Variants in KAT6B observed in about 807,000 individuals in gnomAD.
KAT6B encodes histone acetyltransferase KAT6B.
KAT6B carries 10 observed loss-of-function variants against 187.5 expected under a neutral mutation model. That is an observed-to-expected ratio of 0.05 (90% confidence interval 0.03 to 0.09). KAT6B has a LOEUF of 0.09. Ranked by LOEUF, KAT6B falls within the 10% of genes least tolerant of loss-of-function variation. The pLI is 1.00. For missense variants in KAT6B, 1,952 were observed against 2,558.9 expected (o/e 0.76, Z 5.12); for synonymous variants, 861 against 926.8 (o/e 0.93, Z 1.29).
At chr10:74,900,998 A>G (rs1333692699) in intron 3 of KAT6B, among the ~76,000 whole-genome samples, 2 of 152,146 alleles carry the variant, frequency 1.3e-5, no homozygotes, top group Non-Finnish European at 2.9e-5. Flanking sequence ...AAATGTTTAT[A>G]TATATAAAAG....
chr10:75,030,361 G>A lies in KAT6B; in HGVS notation c.5537G>A (p.Ser1846Asn). 1 of 1,614,226 alleles carries A rather than the reference G, an allele frequency of 6.2e-7. No homozygotes were observed. The highest frequency in any genetic ancestry group is 8.5e-7 in the Non-Finnish European group (1 of 1,180,038). ...HSAAVTSYAN[S>N]ASLSTPLSNT... ...GCTGCTGTGACTTCCTATGCAAACAGTGCCTCTTTGTCCACACCATTAAGT... is the reference window on the plus strand; with the variant it reads ...GCTGCTGTGACTTCCTATGCAAACAATGCCTCTTTGTCCACACCATTAAGT... The change falls in exon 18 of 18, where the codon AGT (serine) becomes AAT (asparagine). Residue 1846 changes from serine to asparagine, a missense_variant. By Grantham distance (46) the Ser-to-Asn change is conservative. This residue lies in a region of KAT6B where 358 missense variants were observed against 436.3 expected (regional missense o/e 0.82). Transcript: ENST00000287239. The surrounding 1 kb of genome is among the most constrained non-coding windows in gnomAD (Gnocchi z 4.8).
intron 13 of KAT6B, among the ~76,000 whole-genome samples, chr10:74,993,467 T>C (rs535752671): frequency 6.6e-6 from 1 of 152,342 alleles, no homozygotes; most frequent in Middle Eastern, 3.4e-3. Flanking sequence ...GTGTTGCACC[T>C]TTACCCCTAA....
chr10:75,029,982 G>T lies in KAT6B; in HGVS notation c.5158G>T (p.Ala1720Ser). Residue 1720 changes from alanine to serine, a missense_variant, in exon 18 of 18, where the codon GCT (alanine) becomes TCT (serine). Transcript: ENST00000287239. This position sits in a 1 kb window ranked among gnomAD's most constrained non-coding sequence, Gnocchi z 6.2. ...CAGCAGTCTGACACAGAGCAGCTGT[G>T]CTGTCACCCAGCAGATGTCCAACAT... is the stretch of plus-strand genomic sequence containing the variant. The part of the protein sequence containing the change: ...TSSSLTQSSC[A>S]VTQQMSNISG... 1 of 1,614,184 alleles carries T rather than the reference G, an allele frequency of 6.2e-7. No individual in the cohort carries two copies. Among genetic ancestry groups the T allele is most frequent in the Non-Finnish European group, 8.5e-7 (1 of 1,180,030 alleles).
chr10:74,877,191 C>T (rs1844480494), intron 3 of KAT6B, among the ~76,000 whole-genome samples: 1 of 151,938 alleles, frequency 6.6e-6, no homozygotes, highest in Non-Finnish European at 1.5e-5. Flanking sequence ...GTGTCAAACT[C>T]CTGACCTCAG....
At chr10:74,832,744 C>A (rs980589485) in intron 1 of KAT6B, among the ~76,000 whole-genome samples, 2 of 151,980 alleles carry the variant, frequency 1.3e-5, no homozygotes, top group African/African-American at 4.8e-5. Context: ...AGGTGATCCA[C>A]CTGCCTTGGC....
At position 74,938,098 on chromosome 10, in the gene KAT6B, G is replaced by A. The variant is rs184010872; in HGVS notation, c.622-21872G>A. ...AGTGCTGGAATTATAGACATGAGCC[G>A]CCTCACCTGGCTGTTTCGTTGTTGT... On this transcript the variant is annotated intron_variant, in intron 3 of 17. Transcript: ENST00000287239. Among the ~76,000 whole-genome samples the A allele has an allele frequency of 1.6e-4, 24 of 152,224 alleles. 1 individual carries two copies. The highest frequency in any genetic ancestry group is 3.2e-4 in the Non-Finnish European group (22 of 68,000).
intron 13 of KAT6B, among the ~76,000 whole-genome samples, chr10:75,011,803 TAATGA>T (rs1414242770): frequency 6.6e-6 from 1 of 152,220 alleles, no homozygotes; most frequent in Non-Finnish European, 1.5e-5. Context: ...GTTGAATGTT[TAATGA>T]AATGAAACTC....
chr10:75,022,098 AGG>A lies in KAT6B; in HGVS notation c.3240_3241del (p.Glu1081ArgfsTer10). The stretch of plus-strand genomic sequence containing the variant: ...GAAGAGGAGGAGGAGGACGAGGAGG[AGG>A]AAGAAGAGGAGGAAGAAGAGGAAGA... On this transcript the variant is annotated frameshift_variant, in exon 16 of 18. Coordinates refer to ENST00000287239, the MANE Select transcript of KAT6B (RefSeq NM_012330.4). LOFTEE classifies it high-confidence loss of function. The A allele has an allele frequency of 6.3e-7, 1 of 1,583,450 alleles. No individual in the cohort carries two copies. Among genetic ancestry groups the A allele is most frequent in the East Asian group, 2.3e-5 (1 of 43,904 alleles).
At chr10:74,944,344 A>G (rs769426157) in intron 3 of KAT6B, among the ~76,000 whole-genome samples, 2 of 152,234 alleles carry the variant, frequency 1.3e-5, no homozygotes, top group African/African-American at 2.4e-5. Flanking sequence ...TGATAGCTGA[A>G]TACTGATTTC....
At chr10:74,988,760 A>G (rs1243956467) in intron 12 of KAT6B, among the ~76,000 whole-genome samples, 5 of 152,186 alleles carry the variant, frequency 3.3e-5, no homozygotes, top group African/African-American at 2.4e-5. Context: ...TTTGGTTCAT[A>G]TATTTCCTTG....
chr10:74,864,006 T>C (rs1843374537), intron 3 of KAT6B, among the ~76,000 whole-genome samples: 1 of 152,230 alleles, frequency 6.6e-6, no homozygotes, highest in Admixed American at 6.5e-5. Context: ...GGTAAGTATA[T>C]GTATTCAGTG....
rs748450865 is a variant in KAT6B at position 75,030,980 on chromosome 10, A to G, written c.6156A>G (p.Gly2052=). ...GTAACATGATGTACACGGCCCCCGG[A>G]CATCACGGCTACATGAACACAGGCA... ...PHGNMMYTAP[G]HHGYMNTGMS... is the part of the protein sequence containing the mutation. Residue 2052 remains glycine, a synonymous_variant, in exon 18 of 18, where the codon GGA becomes GGG. Coordinates refer to ENST00000287239, the MANE Select transcript of KAT6B (RefSeq NM_012330.4). The surrounding 1 kb of genome is among the most constrained non-coding windows in gnomAD (Gnocchi z 4.8). 6.2e-7 allele frequency: 1 copy of G among 1,614,104 alleles called. No homozygotes were observed. Among genetic ancestry groups the G allele is most frequent in the African/African-American group, 1.3e-5 (1 of 74,930 alleles).
chr10:74,931,298 A>G (rs370883494), intron 3 of KAT6B, among the ~76,000 whole-genome samples: 3 of 152,002 alleles, frequency 2.0e-5, no homozygotes, highest in South Asian at 2.1e-4. Context: ...CATCACAGCC[A>G]TCACCCCTCC....
At chr10:75,021,010 G>A in intron 14 of KAT6B, 116 bp from the exon 15 acceptor site, 1 of 1,087,412 alleles carries the variant, frequency 9.2e-7, no homozygotes, top group South Asian at 1.3e-5. Flanking sequence ...TCTCATTGAG[G>A]TGCTTTCTGA....
chr10:74,928,672 A>G (rs1030828761), intron 3 of KAT6B, among the ~76,000 whole-genome samples: 3 of 152,178 alleles, frequency 2.0e-5, no homozygotes, highest in East Asian at 3.8e-4. Flanking sequence ...TTTTGGAGAA[A>G]GAAATATTTA....
chr10:74,919,710 A>G (rs937420989), intron 3 of KAT6B, among the ~76,000 whole-genome samples: 1 of 152,092 alleles, frequency 6.6e-6, no homozygotes, highest in African/African-American at 2.4e-5. Context: ...AGCCTGCTTC[A>G]TCCTCTTTTA....
chr10:75,018,821 T>C (rs1845178592), intron 13 of KAT6B, among the ~76,000 whole-genome samples: 5 of 152,106 alleles, frequency 3.3e-5, no homozygotes, highest in Admixed American at 3.3e-4. Context: ...GGACTTTCAA[T>C]TGTGGGATCT....
intron 7 of KAT6B, among the ~76,000 whole-genome samples, chr10:74,973,261 T>C (rs963284872): frequency 6.6e-5 from 10 of 152,212 alleles, no homozygotes; most frequent in Non-Finnish European, 1.5e-4. Flanking sequence ...ATTTTCACTA[T>C]CTTGTTGCTG....
chr10:74,985,008 CA>C, intron 11 of KAT6B, 71 bp from the exon 12 acceptor site: 1 of 1,327,136 alleles, frequency 7.5e-7, no homozygotes, highest in Non-Finnish European at 1.1e-6. Flanking sequence ...TCTGAAATAC[CA>C]TATAGAAGAA....
Sources: gnomAD v4.1 joint callset for allele counts (sites outside exome capture counted in the v4.1 genomes callset) on GRCh38, gnomAD v4.1.1 for gene constraint, gnomAD v4.1.1 regional missense constraint, Gnocchi (gnomAD v3.1) non-coding constraint, MANE v1.5 for transcripts, NCBI Gene and HGNC (gene_info 2026-07-23, HGNC 2026-07-21) for gene names.